The following RIMS2 variants were observed in gnomAD, a reference collection of about 807,000 sequenced individuals.
The protein encoded by RIMS2 is regulating synaptic membrane exocytosis 2, also known as regulating synaptic membrane exocytosis protein 2.
A neutral mutation model predicts 174.4 loss-of-function variants in RIMS2; 59 were observed. That is an observed-to-expected ratio of 0.34 (90% CI 0.27 to 0.42). The LOEUF is 0.42. Ranked by LOEUF, RIMS2 falls within the 10% of genes least tolerant of loss-of-function variation. The pLI is 1.00. For synonymous variants in RIMS2, 606 were observed against 572.5 expected (o/e 1.06, Z -0.84); for missense variants, 1,620 against 1,666.3 (o/e 0.97, Z 0.48).
chr8:103,676,787 A>G (rs912605577), intron 1 of RIMS2, among the ~76,000 whole-genome samples: 3 of 152,106 alleles, frequency 2.0e-5, no homozygotes, highest in Non-Finnish European at 4.4e-5. Flanking sequence ...GTTCAAGAGT[A>G]GCCTGGCCAA....
At chr8:103,721,959 C>T (rs1387237744) in intron 2 of RIMS2, among the ~76,000 whole-genome samples, 3 of 151,970 alleles carry the variant, frequency 2.0e-5, no homozygotes, top group South Asian at 2.1e-4. Context: ...ATGGAGGAGC[C>T]GTTTTGGGGT....
chr8:104,074,715 A>T (rs1008847668), intron 19 of RIMS2, among the ~76,000 whole-genome samples: 6 of 152,168 alleles, frequency 3.9e-5, no homozygotes, highest in Non-Finnish European at 8.8e-5. Flanking sequence ...GGAGACTGGA[A>T]CATAATATGT....
intron 4 of RIMS2, among the ~76,000 whole-genome samples, chr8:103,896,603 G>T (rs1271904039): frequency 1.3e-5 from 2 of 151,586 alleles, no homozygotes; most frequent in African/African-American, 2.4e-5. Flanking sequence ...GCATGATTTT[G>T]TGAGTTTGGA....
chr8:104,001,527 G>A (rs1227904061), intron 17 of RIMS2, among the ~76,000 whole-genome samples: 2 of 151,842 alleles, frequency 1.3e-5, no homozygotes, highest in Non-Finnish European at 2.9e-5. Flanking sequence ...ATATTTCCCT[G>A]CACTCTCCTT....
chr8:103,581,360 C>A (rs2093610061), intron 1 of RIMS2, among the ~76,000 whole-genome samples: 1 of 151,984 alleles, frequency 6.6e-6, no homozygotes, highest in African/African-American at 2.4e-5. Context: ...ATTAAAAGAA[C>A]CAGGAACAAA....
chr8:103,592,365 A>G, intron 1 of RIMS2, among the ~76,000 whole-genome samples: 1 of 151,246 alleles, frequency 6.6e-6, no homozygotes, highest in Non-Finnish European at 1.5e-5. Flanking sequence ...TTGATTTACT[A>G]AGTTCATTTT....
intron 3 of RIMS2, among the ~76,000 whole-genome samples, chr8:103,854,449 A>T (rs1204229110): frequency 6.6e-6 from 1 of 151,894 alleles, no homozygotes; most frequent in Non-Finnish European, 1.5e-5. Flanking sequence ...TCTCAAGGAG[A>T]ATGGTTCCAG....
intron 14 of RIMS2, among the ~76,000 whole-genome samples, chr8:103,948,362 A>T (rs1285201528): frequency 6.6e-6 from 1 of 152,230 alleles, no homozygotes; most frequent in Non-Finnish European, 1.5e-5. Flanking sequence ...GTTCACTGAA[A>T]GACTTGTACG....
intron 15 of RIMS2, among the ~76,000 whole-genome samples, chr8:103,970,723 C>G (rs558646442): frequency 1.3e-5 from 2 of 152,280 alleles, no homozygotes; most frequent in East Asian, 3.9e-4. Context: ...TCTCTTCAAT[C>G]TTGGGGGCAG....
chr8:103,745,215 C>T (rs1223406869), intron 2 of RIMS2, among the ~76,000 whole-genome samples: 1 of 152,156 alleles, frequency 6.6e-6, no homozygotes, highest in African/African-American at 2.4e-5. Flanking sequence ...AATCACTAAT[C>T]TACTTTCTTA....
chr8:103,728,818 A>G (rs1394816581), intron 2 of RIMS2, among the ~76,000 whole-genome samples: 10 of 102,398 alleles, frequency 9.8e-5, no homozygotes, highest in Non-Finnish European at 1.6e-4. Context: ...CTTTATTATT[A>G]TCAATTGAAA....
At chr8:104,122,336 G>A (rs1212246436) in intron 19 of RIMS2, among the ~76,000 whole-genome samples, 1 of 152,124 alleles carries the variant, frequency 6.6e-6, no homozygotes, top group Non-Finnish European at 1.5e-5. Context: ...GTAAGTGCTA[G>A]GGTTAGGGTA....
At chr8:103,871,488 T>C in intron 3 of RIMS2, among the ~76,000 whole-genome samples, 1 of 151,928 alleles carries the variant, frequency 6.6e-6, no homozygotes, top group South Asian at 2.1e-4. Flanking sequence ...TTCAGTTATA[T>C]ATTCTAGTGC....
At chr8:104,052,213 T>C (rs2096798260) in intron 19 of RIMS2, among the ~76,000 whole-genome samples, 1 of 152,220 alleles carries the variant, frequency 6.6e-6, no homozygotes, top group South Asian at 2.1e-4. Flanking sequence ...CAGAACTTTG[T>C]ACTAAGTTGT....
At chr8:103,666,830 C>G (rs909299442) in intron 1 of RIMS2, among the ~76,000 whole-genome samples, 3 of 152,114 alleles carry the variant, frequency 2.0e-5, no homozygotes, top group Non-Finnish European at 2.9e-5. Context: ...AGGGCATTAG[C>G]ACTACTCTTA....
intron 1 of RIMS2, among the ~76,000 whole-genome samples, chr8:103,611,945 G>A (rs1053154716): frequency 6.6e-6 from 1 of 150,852 alleles, no homozygotes; most frequent in African/African-American, 2.4e-5. Context: ...TCTAGATCTT[G>A]TAGGCATACT....
At chr8:104,219,462 G>A (rs1321397379) in intron 19 of RIMS2, among the ~76,000 whole-genome samples, 3 of 152,124 alleles carry the variant, frequency 2.0e-5, no homozygotes, top group Admixed American at 2.0e-4. Flanking sequence ...CATTCTGTCA[G>A]GATTGATGTA....
intron 19 of RIMS2, among the ~76,000 whole-genome samples, chr8:104,162,394 C>T (rs1189069028): frequency 1.3e-5 from 2 of 151,982 alleles, no homozygotes; most frequent in African/African-American, 2.4e-5. Context: ...ATTTATCAGT[C>T]ATTAAAAAAT....
At chr8:103,780,460 G>A (rs946944192) in intron 3 of RIMS2, among the ~76,000 whole-genome samples, 4 of 151,610 alleles carry the variant, frequency 2.6e-5, no homozygotes, top group African/African-American at 7.3e-5. Context: ...TCCTCTGATC[G>A]TATTTTCAAA....
Sources: allele counts gnomAD v4.1 joint callset (sites outside exome capture counted in the v4.1 genomes callset), GRCh38; gene constraint gnomAD v4.1.1; transcripts MANE v1.5; gene names NCBI Gene and HGNC (gene_info 2026-07-23, HGNC 2026-07-21).